Variants in FARP1 observed in about 807,000 individuals in gnomAD.
FARP1 encodes the protein FERM, ARH/RhoGEF and pleckstrin domain protein 1, also known as FERM, ARHGEF and pleckstrin domain-containing protein 1.
In FARP1, 52 loss-of-function variants were observed where a neutral mutation model predicts 128.8. That is an observed-to-expected ratio of 0.40 (90% CI 0.32 to 0.51). FARP1 has a LOEUF of 0.51. FARP1 is among the 20% of genes least tolerant of loss of function. The pLI is 0.45. For synonymous variants in FARP1, 580 were observed against 551.8 expected, an observed-to-expected ratio of 1.05 and a Z score of -0.72; for missense variants, 1,333 against 1,367.9, an observed-to-expected ratio of 0.97 and a Z score of 0.40.
intron 2 of FARP1, among the ~76,000 whole-genome samples, chr13:98,231,985 G>A (rs1210431904): frequency 6.6e-6 from 1 of 151,686 alleles, no homozygotes; most frequent in Non-Finnish European, 1.5e-5. Context: ...TCGTCACCAC[G>A]CCCAGCTAAT....
chr13:98,389,808 T>C, intron 9 of FARP1, 149 bp from the exon 10 acceptor site: 1 of 673,002 alleles, frequency 1.5e-6, no homozygotes, highest in African/African-American at 1.8e-5. Flanking sequence ...TAACTAGAGT[T>C]TAGTAAGTCT....
chr13:98,399,665 C>A (rs1003326139), intron 13 of FARP1: 2 of 152,194 alleles, frequency 1.3e-5, no homozygotes, highest in African/African-American at 2.4e-5. Flanking sequence ...GGGACCCAGG[C>A]CTTCAGATAC....
At chr13:98,349,517 C>G (rs929372294) in intron 3 of FARP1, among the ~76,000 whole-genome samples, 2 of 151,584 alleles carry the variant, frequency 1.3e-5, no homozygotes, top group African/African-American at 4.8e-5. Flanking sequence ...ACTAAAAATA[C>G]AAAAATTAGC....
At chr13:98,377,980 G>A in intron 6 of FARP1, 62 bp downstream of exon 6, 1 of 1,254,594 alleles carries the variant, frequency 8.0e-7, no homozygotes, top group South Asian at 1.3e-5. Flanking sequence ...CTGATTGATG[G>A]GAAAAAAATC....
intron 16 of FARP1, among the ~76,000 whole-genome samples, chr13:98,419,473 C>CA (rs769553720): frequency 1.4e-4 from 17 of 117,298 alleles, no homozygotes; most frequent in East Asian, 7.6e-4. Context: ...ACTCTGTCTC[C>CA]AAAAAAAAAT....
At chr13:98,243,696 C>CA (rs61020922) in intron 2 of FARP1, among the ~76,000 whole-genome samples, 18,619 of 64,378 alleles carry the variant, frequency 0.29, 2,234 homozygotes, top group Middle Eastern at 0.35. Flanking sequence ...GACTCCATCT[C>CA]AAAAAAAAAA....
intron 2 of FARP1, among the ~76,000 whole-genome samples, chr13:98,316,802 A>C (rs1265156363): frequency 6.6e-6 from 1 of 152,194 alleles, no homozygotes; most frequent in African/African-American, 2.4e-5. Flanking sequence ...AACCAGAGAT[A>C]ACACCAGGCC....
chr13:98,391,182 C>G (rs1890291116), intron 11 of FARP1, among the ~76,000 whole-genome samples: 1 of 152,206 alleles, frequency 6.6e-6, no homozygotes. Context: ...ATGATAAAAA[C>G]TAGCTCACTG....
chr13:98,430,146 C>T (rs1323566537), intron 17 of FARP1, among the ~76,000 whole-genome samples: 2 of 151,810 alleles, frequency 1.3e-5, no homozygotes, highest in Non-Finnish European at 2.9e-5. Flanking sequence ...CCCAGCTGCT[C>T]GAGGCTGAGG....
intron 1 of FARP1, among the ~76,000 whole-genome samples, chr13:98,194,897 A>G (rs1879475300): frequency 1.3e-5 from 2 of 152,214 alleles, no homozygotes; most frequent in Non-Finnish European, 2.9e-5. Context: ...TTCAAAAATT[A>G]AACACTGTCT....
chr13:98,393,686 C>T lies in FARP1; in HGVS notation c.1132C>T (p.Pro378Ser), dbSNP rs1258309890. 2.5e-6 allele frequency: 4 copies of T among 1,614,056 alleles called. No homozygotes were observed. Among genetic ancestry groups the T allele is most frequent in the South Asian group, 1.1e-5 (1 of 91,070 alleles). Residue 378 changes from proline (P) to serine (S), a missense_variant, in exon 12 of 27, where the codon CCT becomes TCT. Around this residue, in one of 2 missense-constraint regions of FARP1, gnomAD observed 1,009 missense variants for 969.8 expected, o/e 1.04. Transcript: ENST00000319562. ...IHSIRSLASQ[P>S]TELNSEVLEQ... ...TTCTATCCGGAGCCTTGCTTCACAG[C>T]CTACAGAACTGAATTCGGAAGTGCT...
intron 1 of FARP1, among the ~76,000 whole-genome samples, chr13:98,202,684 A>G (rs1310454867): frequency 6.6e-6 from 1 of 151,572 alleles, no homozygotes; most frequent in African/African-American, 2.4e-5. Context: ...AAATTGTTTA[A>G]TTACTTCTTA....
At position 98,395,434 on chromosome 13, in the gene FARP1, A is replaced by G; in HGVS notation, c.1372A>G (p.Arg458Gly). 6.2e-7 allele frequency: 1 copy of G among 1,603,006 alleles called. No individual in the cohort carries two copies. The highest frequency in any genetic ancestry group is 8.5e-7 in the Non-Finnish European group (1 of 1,171,964). Residue 458 changes from arginine to glycine, a missense_variant, in exon 13 of 27, where the codon AGG becomes GGG. Physicochemically the swap from Arg to Gly is moderately radical, Grantham distance 125. This residue lies in a region of FARP1 where 1,009 missense variants were observed against 969.8 expected (regional missense o/e 1.04). Transcript: ENST00000319562. ...TEEEEEVVKD[R>G]TQQSKPQPPQ... ...GGAAGAGGAGGAGGTCGTTAAGGAT[A>G]GGACCCAGCAGAGTAAACCTCAGCC... is the stretch of plus-strand genomic sequence containing the variant.
chr13:98,380,577 TC>T (rs1208458088), intron 6 of FARP1, among the ~76,000 whole-genome samples: 1 of 151,530 alleles, frequency 6.6e-6, no homozygotes, highest in African/African-American at 2.4e-5. Context: ...TATAAATATA[TC>T]CCCCCCAAAA....
At chr13:98,292,197 C>G (rs17456024) in intron 2 of FARP1, among the ~76,000 whole-genome samples, 2,161 of 152,238 alleles carry the variant, frequency 0.014, 18 homozygotes, top group South Asian at 0.036. Context: ...TAAAAAGTAC[C>G]CATTTATTTT....
chr13:98,346,911 G>A (rs9517265), intron 3 of FARP1, among the ~76,000 whole-genome samples: 27,435 of 152,180 alleles, frequency 0.18, 2,723 homozygotes, highest in Non-Finnish European at 0.23. Context: ...AGTGAGTTCT[G>A]CCTTACAACA....
At chr13:98,410,923 C>A in intron 15 of FARP1, 100 bp downstream of exon 15, 1 of 584,500 alleles carries the variant, frequency 1.7e-6, no homozygotes, top group Non-Finnish European at 3.1e-6. Flanking sequence ...GTTGGATTCG[C>A]TGACTTCAGT....
At chr13:98,251,234 A>G (rs1188495529) in intron 2 of FARP1, among the ~76,000 whole-genome samples, 2 of 152,206 alleles carry the variant, frequency 1.3e-5, no homozygotes, top group Non-Finnish European at 2.9e-5. Context: ...TGAGGCTCAA[A>G]CAGGTGCTTT....
At chr13:98,266,178 C>T (rs1458619874) in intron 2 of FARP1, among the ~76,000 whole-genome samples, 2 of 152,036 alleles carry the variant, frequency 1.3e-5, no homozygotes, top group Non-Finnish European at 2.9e-5. Flanking sequence ...TGAGGAGTGA[C>T]CACTGGGTGA....
Sources: gnomAD v4.1 joint callset for allele counts (sites outside exome capture counted in the v4.1 genomes callset) on GRCh38, gnomAD v4.1.1 for gene constraint, gnomAD v4.1.1 regional missense constraint, MANE v1.5 for transcripts, NCBI Gene and HGNC (gene_info 2026-07-23, HGNC 2026-07-21) for gene names.